Variants in PHACTR1 observed in about 807,000 individuals in gnomAD.
PHACTR1 encodes the protein RPEL repeat containing 1.
In PHACTR1, 16 loss-of-function variants were observed where a neutral mutation model predicts 69.2. The ratio of observed to expected loss-of-function variants is 0.23; its 90% confidence interval spans 0.16 to 0.35. The LOEUF (loss-of-function observed/expected upper bound fraction) is 0.35. PHACTR1 is among the 10% of genes least tolerant of loss of function. The pLI is 1.00. For missense variants in PHACTR1, 510 were observed against 734.7 expected (o/e 0.69, Z 3.54); for synonymous variants, 312 against 284.5 (o/e 1.10, Z -0.97).
chr6:13,230,230 G>A, intron 10 of PHACTR1, 37 bp downstream of exon 10: 6 of 1,585,378 alleles, frequency 3.8e-6, no homozygotes, highest in Non-Finnish European at 5.1e-6. Context: ...CTGGCAGTGG[G>A]CCTTTAGCTC....
chr6:12,971,444 T>C (rs943863335), intron 4 of PHACTR1, among the ~76,000 whole-genome samples: 7 of 152,178 alleles, frequency 4.6e-5, no homozygotes, highest in African/African-American at 1.7e-4. Flanking sequence ...AATTACAGTT[T>C]TGCTGTCCTA....
intron 4 of PHACTR1, among the ~76,000 whole-genome samples, chr6:13,022,258 T>C (rs1313287491): frequency 6.6e-6 from 1 of 152,250 alleles, no homozygotes; most frequent in African/African-American, 2.4e-5. Flanking sequence ...TTGGTTAGAA[T>C]GAGGAGGCCG....
Position 12,807,131 on chromosome 6 carries a change from G to A in PHACTR1, c.250+57341G>A, listed in dbSNP as rs189361970. ...TCTGAAAGATGATGTTGTAACACAT[G>A]TGTGCTTTCATAGATTTTTCAGTGC... On this transcript the variant is annotated intron_variant, in intron 4 of 14. Coordinates refer to ENST00000332995, the MANE Select transcript of PHACTR1 (RefSeq NM_030948.6). Among the ~76,000 whole-genome samples the A allele has an allele frequency of 2.1e-4, 32 of 152,178 alleles. No individual in the cohort carries two copies. In the East Asian group the frequency reaches 5.4e-3, roughly 26 times the overall value.
In PHACTR1 at chr6:13,179,192, T is replaced by A. The variant is rs1761819128; in HGVS notation, c.497-3327T>A. ...TGGAAGCTGCAGTGAGCCATGTTCA[T>A]GCCACTGCACTCCAGCCTGGGCAAC... On this transcript the variant is annotated intron_variant, in intron 6 of 14. Transcript: ENST00000332995. This position sits in a 1 kb window ranked among gnomAD's most constrained non-coding sequence, Gnocchi z 4.2. 6.6e-6 allele frequency among the ~76,000 whole-genome samples: 1 copy of A among 152,130 alleles called. No individual in the cohort carries two copies. Among genetic ancestry groups the A allele is most frequent in the Admixed American group, 6.6e-5 (1 of 15,264 alleles).
At chr6:13,263,655 C>G (rs1197754957) in intron 10 of PHACTR1, among the ~76,000 whole-genome samples, 1 of 152,104 alleles carries the variant, frequency 6.6e-6, no homozygotes, top group Admixed American at 6.5e-5. Flanking sequence ...AAATCATTGC[C>G]TTTGACACCT....
At chr6:13,242,550 G>A (rs1773002864) in intron 10 of PHACTR1, among the ~76,000 whole-genome samples, 1 of 152,166 alleles carries the variant, frequency 6.6e-6, no homozygotes, top group Admixed American at 6.5e-5. Flanking sequence ...TCTGTCTTGG[G>A]GCGAGTACAT....
intron 4 of PHACTR1, among the ~76,000 whole-genome samples, chr6:12,918,060 A>G (rs1787208855): frequency 6.6e-6 from 1 of 152,146 alleles, no homozygotes; most frequent in Non-Finnish European, 1.5e-5. Flanking sequence ...ATGGCGTGTC[A>G]CTCTTAGCTT....
At chr6:13,279,106 A>T (rs903437585) in intron 12 of PHACTR1, among the ~76,000 whole-genome samples, 1 of 151,720 alleles carries the variant, frequency 6.6e-6, no homozygotes, top group Non-Finnish European at 1.5e-5. Flanking sequence ...TATTAGGCTA[A>T]ATTACGAAAG....
At chr6:12,968,993 A>G (rs940543032) in intron 4 of PHACTR1, among the ~76,000 whole-genome samples, 3 of 152,136 alleles carry the variant, frequency 2.0e-5, no homozygotes, top group Non-Finnish European at 4.4e-5. Context: ...GTGGGGCTCA[A>G]GATATTACAT....
chr6:13,213,834 A>G (rs534383902), intron 8 of PHACTR1, among the ~76,000 whole-genome samples: 142 of 152,326 alleles, frequency 9.3e-4, no homozygotes, highest in African/African-American at 3.2e-3. Context: ...GTGAGGAAAT[A>G]CATTTCTGTT....
intron 5 of PHACTR1, among the ~76,000 whole-genome samples, chr6:13,065,450 G>A (rs1243303461): frequency 6.6e-6 from 1 of 152,064 alleles, no homozygotes; most frequent in Non-Finnish European, 1.5e-5. Flanking sequence ...ACAAGATGGT[G>A]TCCGGTGGGC....
chr6:13,286,356 C>T (rs530593796), intron 14 of PHACTR1, 134 bp downstream of exon 14: 1 of 698,946 alleles, frequency 1.4e-6, no homozygotes, highest in East Asian at 3.1e-5. Flanking sequence ...GGAAGGCAGG[C>T]ATGCGGTTCC....
At chr6:12,804,367 TCTTA>T (rs566062396) in intron 4 of PHACTR1, among the ~76,000 whole-genome samples, 566 of 152,318 alleles carry the variant, frequency 3.7e-3, no homozygotes, top group African/African-American at 0.012. Context: ...ATATGTTCTT[TCTTA>T]CTTGGAATGG....
intron 5 of PHACTR1, among the ~76,000 whole-genome samples, chr6:13,154,631 G>T (rs1757910422): frequency 1.3e-5 from 2 of 152,072 alleles, no homozygotes; most frequent in South Asian, 4.2e-4. Context: ...GGGATGGATT[G>T]CTTTGTTCTG....
intron 4 of PHACTR1, among the ~76,000 whole-genome samples, chr6:12,870,713 G>C (rs1162355681): frequency 6.6e-6 from 1 of 152,062 alleles, no homozygotes; most frequent in Non-Finnish European, 1.5e-5. Flanking sequence ...CTCCTTCTGG[G>C]TACATCAAAA....
At chr6:13,105,108 A>G (rs1017214259) in intron 5 of PHACTR1, among the ~76,000 whole-genome samples, 3 of 152,226 alleles carry the variant, frequency 2.0e-5, no homozygotes, top group Non-Finnish European at 2.9e-5. Flanking sequence ...TTGGCGCAGC[A>G]TGGTGGCTTA....
At chr6:12,959,176 C>CAAAAAAAAAAAAAAA (rs70989814) in intron 4 of PHACTR1, among the ~76,000 whole-genome samples, 5 of 46,250 alleles carry the variant, frequency 1.1e-4, no homozygotes, top group African/African-American at 1.9e-4. Context: ...GACTTTATCT[C>CAAAAAAAAAAAAAAA]AAAAAAAAAA....
rs552643477 is a variant in PHACTR1 at position 13,269,927 on chromosome 6, C to T, written c.1392-2933C>T. ...CATTTCTGTGTGAGGCAGCTCCCCA[C>T]ACACCAAGCAATTCTCCAGCAGACA... On this transcript the variant is annotated intron_variant, in intron 10 of 14. Transcript: ENST00000332995. Among the ~76,000 whole-genome samples, 23 of 152,350 alleles carry T rather than the reference C, an allele frequency of 1.5e-4. No homozygotes were observed. The South Asian group carries it at 4.3e-3, about 29-fold the overall frequency.
intron 13 of PHACTR1, among the ~76,000 whole-genome samples, chr6:13,284,879 G>T (rs1405322945): frequency 6.6e-6 from 1 of 152,098 alleles, no homozygotes; most frequent in Non-Finnish European, 1.5e-5. Context: ...CCTGTGGCGG[G>T]TCAACCCACA....
Sources: allele counts gnomAD v4.1 joint callset (sites outside exome capture counted in the v4.1 genomes callset), GRCh38; gene constraint gnomAD v4.1.1; non-coding constraint Gnocchi (gnomAD v3.1); transcripts MANE v1.5; gene names NCBI Gene and HGNC (gene_info 2026-07-23, HGNC 2026-07-21).